MBP: variants seen among roughly 807,000 people sequenced by gnomAD.
MBP encodes the protein Golli-MBP.
In MBP, 16 loss-of-function variants were observed where a neutral mutation model predicts 35.8. The ratio of observed to expected loss-of-function variants is 0.45; its 90% CI spans 0.30 to 0.68. The LOEUF (loss-of-function observed/expected upper bound fraction) is 0.68, where lower values mean the gene tolerates loss of function less well. Ranked by LOEUF, MBP falls within the 30% of genes least tolerant of loss-of-function variation. The pLI is 0.08. For missense variants in MBP, 380 were observed against 404.7 expected (o/e 0.94, Z 0.52); for synonymous variants, 143 against 159.6 (o/e 0.90, Z 0.78).
chr18:77,098,168 C>CTTTTTTTTTTTTTTTT (rs3214873), intron 2 of MBP, among the ~76,000 whole-genome samples: 2,415 of 108,292 alleles, frequency 0.022, 131 homozygotes, highest in Non-Finnish European at 0.03. Flanking sequence ...CAAGGACTTC[C>CTTTTTTTTTTTTTTTT]TTTTTTTTTT....
intron 3 of MBP, among the ~76,000 whole-genome samples, chr18:77,038,717 A>G (rs182808251): frequency 1.7e-4 from 26 of 152,248 alleles, no homozygotes; most frequent in African/African-American, 5.3e-4. Flanking sequence ...GCATATATAT[A>G]TGTATGCATA....
chr18:77,011,498 C>T (rs1348847482), intron 4 of MBP, among the ~76,000 whole-genome samples: 1 of 151,332 alleles, frequency 6.6e-6, no homozygotes, highest in Non-Finnish European at 1.5e-5. Flanking sequence ...CCTCTACTGA[C>T]TCCCTGTCTA....
At chr18:77,081,446 T>C (rs565650325) in intron 2 of MBP, among the ~76,000 whole-genome samples, 1 of 152,088 alleles carries the variant, frequency 6.6e-6, no homozygotes, top group Admixed American at 6.5e-5. Context: ...AGTTAGCACA[T>C]GAAAAAATGC....
At chr18:77,019,202 A>C (rs1276833856) in intron 3 of MBP, among the ~76,000 whole-genome samples, 1 of 152,186 alleles carries the variant, frequency 6.6e-6, no homozygotes, top group Admixed American at 6.5e-5. Flanking sequence ...AGCAGGTGAA[A>C]ATGTATGTTA....
chr18:77,023,575 G>A (rs1219993469), intron 3 of MBP, among the ~76,000 whole-genome samples: 1 of 152,144 alleles, frequency 6.6e-6, no homozygotes, highest in African/African-American at 2.4e-5. Context: ...TGCAACACAA[G>A]GCTCCTAACT....
At chr18:77,107,147 C>G (rs1568343235) in intron 1 of MBP, among the ~76,000 whole-genome samples, 2 of 152,248 alleles carry the variant, frequency 1.3e-5, no homozygotes, top group South Asian at 4.1e-4. Flanking sequence ...AAAAACATGT[C>G]AAATATCTGT....
rs142712620 is a variant in MBP, at chr18:76,985,651, C to T, written c.751-757G>A. 244 of 1,059,538 alleles carry T rather than the reference C, an allele frequency of 2.3e-4. 2 individuals carry two copies. In the Middle Eastern group the frequency reaches 6.9e-3, roughly 30 times the overall value. 65.6% of individuals were successfully genotyped at this position (1,059,538 alleles called of 1,614,324 possible). On this transcript the variant is annotated intron_variant, in intron 7 of 8. Transcript: ENST00000355994. ...GGGGGCGGCCGCATCCTGGCAGCAG[C>T]GGGACAGCGTCTCAGCTCCCCCACC...
intron 3 of MBP, among the ~76,000 whole-genome samples, chr18:77,041,130 C>G (rs1380506262): frequency 6.6e-6 from 1 of 152,168 alleles, no homozygotes; most frequent in Admixed American, 6.5e-5. Flanking sequence ...TATGAACAGA[C>G]ACTTCTCAAA....
chr18:77,093,625 C>T (rs1599232355), intron 2 of MBP, among the ~76,000 whole-genome samples: 1 of 152,210 alleles, frequency 6.6e-6, no homozygotes, highest in Non-Finnish European at 1.5e-5. Flanking sequence ...CTTCGTGAAT[C>T]TCCTCCAGAA....
chr18:77,060,605 T>C (rs976372601), intron 3 of MBP, among the ~76,000 whole-genome samples: 3 of 152,012 alleles, frequency 2.0e-5, no homozygotes, highest in Admixed American at 6.6e-5. Flanking sequence ...TGTGCACTAC[T>C]ACATCCAGCT....
chr18:77,016,577 C>T, intron 4 of MBP: 1 of 1,360,630 alleles, frequency 7.3e-7, no homozygotes. Context: ...CAGAATTCAG[C>T]ATGTCCTTAC....
Position 76,979,915 on chromosome 18 carries a change from C to G in MBP, c.*512G>C. On this transcript the variant is annotated 3_prime_UTR_variant, in exon 9 of 9. Transcript: ENST00000355994. ...TAAGCCACTCCTTGACTGTCTAATCCTGTTAGGAAAAATGAAGTCTACTTT... is the reference window on the plus strand; with the variant it reads ...TAAGCCACTCCTTGACTGTCTAATCGTGTTAGGAAAAATGAAGTCTACTTT... 1.4e-6 allele frequency: 1 copy of G among 701,828 alleles called. No individual in the cohort carries two copies. Among genetic ancestry groups the G allele is most frequent in the Non-Finnish European group, 2.6e-6 (1 of 384,742 alleles). The allele number at this position is 701,828 out of a possible 1,614,324, so 43.5% of individuals were successfully genotyped here. A position where few individuals can be genotyped will look rare whatever the true frequency, so the allele number is the denominator to read the frequency against.
At chr18:77,002,735 T>C (rs1970705341) in intron 4 of MBP, 1 of 152,250 alleles carries the variant, frequency 6.6e-6, no homozygotes, top group Admixed American at 6.5e-5. Context: ...AGCGAGACTC[T>C]TGTGGAGTGA....
intron 3 of MBP, among the ~76,000 whole-genome samples, chr18:77,053,901 G>A (rs1973616251): frequency 6.6e-6 from 1 of 152,224 alleles, no homozygotes; most frequent in Non-Finnish European, 1.5e-5. Context: ...ATCCGGAGTC[G>A]GGGCTCGGAC....
intron 3 of MBP, among the ~76,000 whole-genome samples, chr18:77,035,104 GA>G (rs1972705273): frequency 1.3e-5 from 2 of 152,338 alleles, no homozygotes; most frequent in Admixed American, 1.3e-4. Context: ...AGCCCTCTGA[GA>G]ACAGGCTCCG....
chr18:76,980,023 C>G lies in MBP; in HGVS notation c.*404G>C, dbSNP rs1220223720. 1.4e-6 allele frequency: 1 copy of G among 702,514 alleles called. No individual in the cohort carries two copies. Among genetic ancestry groups the G allele is most frequent in the Non-Finnish European group, 2.6e-6 (1 of 385,022 alleles). The allele number at this position is 702,514 out of a possible 1,614,324, so 43.5% of individuals were successfully genotyped here. A position where few individuals can be genotyped will look rare whatever the true frequency, so the allele number is the denominator to read the frequency against. ...TCTCTGCCGCCCACGTCCTCTCTGT[C>G]TCTGCAGCTGTGTGCCTCCATGGCA... On this transcript the variant is annotated 3_prime_UTR_variant, in exon 9 of 9. Coordinates refer to ENST00000355994, the MANE Select transcript of MBP (RefSeq NM_001025101.2).
intron 1 of MBP, among the ~76,000 whole-genome samples, chr18:77,116,519 A>G (rs903336283): frequency 6.6e-6 from 1 of 152,194 alleles, no homozygotes; most frequent in African/African-American, 2.4e-5. Context: ...GGCGCTTACT[A>G]TGGGCTAGGT....
intron 3 of MBP, among the ~76,000 whole-genome samples, chr18:77,038,386 G>T (rs1972859006): frequency 6.6e-6 from 1 of 152,236 alleles, no homozygotes; most frequent in Admixed American, 6.5e-5. Context: ...TTGGTCCTCT[G>T]CCATACATAG....
intron 3 of MBP, among the ~76,000 whole-genome samples, chr18:77,061,394 CT>C (rs1168739574): frequency 6.6e-6 from 1 of 152,244 alleles, no homozygotes; most frequent in African/African-American, 2.4e-5. Context: ...CCAATGTTTA[CT>C]GAGTACTGTG....
Sources: gnomAD v4.1 joint callset for allele counts (sites outside exome capture counted in the v4.1 genomes callset) on GRCh38, gnomAD v4.1.1 for gene constraint, MANE v1.5 for transcripts, NCBI Gene and HGNC (gene_info 2026-07-23, HGNC 2026-07-21) for gene names.